ANKRD11: variants seen among roughly 807,000 people sequenced by gnomAD.
The protein encoded by ANKRD11 is ankyrin repeat domain-containing protein 11.
ANKRD11 carries 17 observed loss-of-function variants against 195.7 expected under a neutral mutation model. The observed-to-expected ratio is 0.09, with a 90% confidence interval of 0.06 to 0.13. ANKRD11 has a LOEUF of 0.13. Among genes scored for constraint, ANKRD11 ranks in the 10% least tolerant of loss-of-function variants. ANKRD11 has a pLI of 1.00. For missense variants in ANKRD11, 3,735 were observed against 3,566.1 expected, an observed-to-expected ratio of 1.05 and a Z score of -1.21; for synonymous variants, 1,953 against 1,528.1, an observed-to-expected ratio of 1.28 and a Z score of -6.49.
chr16:89,331,006 T>C (rs945926997), intron 2 of ANKRD11, among the ~76,000 whole-genome samples: 7 of 152,186 alleles, frequency 4.6e-5, no homozygotes, highest in African/African-American at 1.7e-4. Context: ...CAGGCTGGAG[T>C]GCAATGGTGC....
At chr16:89,386,551 C>T (rs537078383) in intron 2 of ANKRD11, among the ~76,000 whole-genome samples, 87 of 152,278 alleles carry the variant, frequency 5.7e-4, no homozygotes, top group Admixed American at 1.4e-3. Context: ...GGCAGTGGCC[C>T]GCAACGACCT....
chr16:89,277,055 T>TAA (rs35025100), intron 9 of ANKRD11, among the ~76,000 whole-genome samples: 14,424 of 143,286 alleles, frequency 0.1, 801 homozygotes, highest in Non-Finnish European at 0.13. Flanking sequence ...GACTCTGTCT[T>TAA]AAAAAAAAAA....
intron 1 of ANKRD11, chr16:89,420,287 G>A (rs2042458781): frequency 6.6e-6 from 1 of 152,176 alleles, no homozygotes; most frequent in Admixed American, 6.5e-5. Context: ...AGCATCATGA[G>A]TCCAACGATT....
At chr16:89,299,480 T>C (rs12051430) in intron 4 of ANKRD11, 14 of 127,852 alleles carry the variant, frequency 1.1e-4, no homozygotes, top group Admixed American at 4.2e-4. Flanking sequence ...GTGTGGGGTG[T>C]GTGGGGTCTG....
chr16:89,356,221 T>C (rs1323859311), intron 2 of ANKRD11, among the ~76,000 whole-genome samples: 1 of 152,202 alleles, frequency 6.6e-6, no homozygotes, highest in Non-Finnish European at 1.5e-5. Context: ...CAATGAACTA[T>C]TGTGGGTTTT....
At chr16:89,459,226 T>C (rs2056566502) in intron 1 of ANKRD11, 1 of 164,276 alleles carries the variant, frequency 6.1e-6, no homozygotes, top group Non-Finnish European at 1.3e-5. Flanking sequence ...ACCATAATAA[T>C]GAGATCTACA....
At chr16:89,435,286 G>C (rs1394672230) in intron 1 of ANKRD11, among the ~76,000 whole-genome samples, 1 of 152,146 alleles carries the variant, frequency 6.6e-6, no homozygotes, top group Non-Finnish European at 1.5e-5. Context: ...GGCCCAATCA[G>C]CGCTCTGTAA....
intron 2 of ANKRD11, among the ~76,000 whole-genome samples, chr16:89,319,253 C>A (rs920615666): frequency 2.0e-5 from 3 of 152,194 alleles, no homozygotes; most frequent in African/African-American, 7.2e-5. Context: ...TGGGCCCCGA[C>A]AGTGCGGGGC....
chr16:89,278,604 G>C (rs1005734942), intron 9 of ANKRD11: 2 of 458,460 alleles, frequency 4.4e-6, no homozygotes, highest in Non-Finnish European at 8.8e-6. Context: ...TGCTGTCCCA[G>C]AAGCCCAAGG....
chr16:89,277,864 A>T (rs2033791593), intron 9 of ANKRD11: 1 of 155,470 alleles, frequency 6.4e-6, no homozygotes, highest in Non-Finnish European at 1.4e-5. Flanking sequence ...CGTCATCCTC[A>T]CCAGGGGGGT....
intron 2 of ANKRD11, among the ~76,000 whole-genome samples, chr16:89,415,848 A>C (rs977207177): frequency 6.8e-6 from 1 of 147,706 alleles, no homozygotes. Context: ...AAAAAAAAAA[A>C]AACAATGGAG....
chr16:89,280,099 GCAT>G lies in ANKRD11; in HGVS notation c.6440_6442del (p.Asp2147del). On this transcript the variant is annotated inframe_deletion, in exon 9 of 13. Transcript: ENST00000301030. ...CACGGGTTCCGCTTCACCATCTGCG[GCAT>G]CTTTAGTCTGCAGGGGAAGCTCCGG... is the stretch of plus-strand genomic sequence containing the variant. The G allele has an allele frequency of 6.2e-7, 1 of 1,613,104 alleles. No individual in the cohort carries two copies. The highest frequency in any genetic ancestry group is 8.5e-7 in the Non-Finnish European group (1 of 1,179,898).
chr16:89,318,380 C>T lies in ANKRD11; in HGVS notation c.-59-1302G>A, dbSNP rs62070790. The stretch of plus-strand genomic sequence containing the variant: ...CACTGTCCCCCCATCATGTCCTCGC[C>T]GCACCGTCAGTTAGAAAACATTTCA... On this transcript the variant is annotated intron_variant, in intron 2 of 12. Coordinates refer to ENST00000301030, the MANE Select transcript of ANKRD11 (RefSeq NM_013275.6). 5.6e-3 allele frequency among the ~76,000 whole-genome samples: 860 copies of T among 152,338 alleles called. 1 individual carries two copies. Among genetic ancestry groups the T allele is most frequent in the Non-Finnish European group, 9.1e-3 (617 of 68,026 alleles).
Position 89,279,849 on chromosome 16 carries a change from G to T in ANKRD11, c.6693C>A (p.Ala2231=), listed in dbSNP as rs763625090. The change falls in exon 9 of 13, where the codon GCC becomes GCA. Residue 2231 remains alanine, a synonymous_variant. Coordinates refer to ENST00000301030, the MANE Select transcript of ANKRD11 (RefSeq NM_013275.6). This position sits in a 1 kb window ranked among gnomAD's most constrained non-coding sequence, Gnocchi z 5.6. Reference sequence around the variant, plus strand: ...CCACGCTGGAGTCCGGATCCCCACGGGCCCTCTCTTCCGGCACCGTCTCCG... The same window carrying T: ...CCACGCTGGAGTCCGGATCCCCACGTGCCCTCTCTTCCGGCACCGTCTCCG... ...VEAETVPEER[A]RGDPDSSVEP... is the part of the protein sequence containing the mutation. The T allele has an allele frequency of 3.5e-5, 55 of 1,551,506 alleles. 1 individual carries two copies. The South Asian group carries it at 4.6e-4, about 13-fold the overall frequency.
At chr16:89,459,022 T>G (rs1194349959) in intron 1 of ANKRD11, 1 of 154,910 alleles carries the variant, frequency 6.5e-6, no homozygotes, top group Non-Finnish European at 1.4e-5. Flanking sequence ...CTTCAAAAAC[T>G]ATACTAAACA....
intron 1 of ANKRD11, among the ~76,000 whole-genome samples, chr16:89,449,011 T>C (rs1266394698): frequency 6.6e-6 from 1 of 152,150 alleles, no homozygotes; most frequent in African/African-American, 2.4e-5. Flanking sequence ...TATTCTTTGC[T>C]ACTTCAAATC....
At chr16:89,445,141 G>A (rs2043727017) in intron 1 of ANKRD11, among the ~76,000 whole-genome samples, 1 of 152,256 alleles carries the variant, frequency 6.6e-6, no homozygotes, top group Admixed American at 6.5e-5. Context: ...CCACCTCAGA[G>A]GAGGCAAATG....
Position 89,409,180 on chromosome 16 carries a change from G to C in ANKRD11, c.-60+9104C>G, listed in dbSNP as rs898456721. Among the ~76,000 whole-genome samples the C allele has an allele frequency of 3.9e-5, 6 of 152,182 alleles. No individual in the cohort carries two copies. The South Asian group carries it at 1.2e-3, about 32-fold the overall frequency. On this transcript the variant is annotated intron_variant, in intron 2 of 12. Coordinates refer to ENST00000301030, the MANE Select transcript of ANKRD11 (RefSeq NM_013275.6). ...TTTTAGGTGAAGCCGACGGTCTGAG[G>C]AAATGAGATGAGCTCACACACCTGA...
chr16:89,324,548 G>A (rs1303967953), intron 2 of ANKRD11: 1 of 455,954 alleles, frequency 2.2e-6, no homozygotes, highest in East Asian at 6.9e-5. Flanking sequence ...TCAGTGGACG[G>A]GGAGAGGCCG....
Sources: allele counts gnomAD v4.1 joint callset (sites outside exome capture counted in the v4.1 genomes callset), GRCh38; gene constraint gnomAD v4.1.1; non-coding constraint Gnocchi (gnomAD v3.1); transcripts MANE v1.5; gene names NCBI Gene and HGNC (gene_info 2026-07-23, HGNC 2026-07-21).